The following TBC1D5 variants were observed in gnomAD, a reference collection of about 807,000 sequenced individuals.
TBC1D5 encodes TBC1 domain family, member 5.
In TBC1D5, 75 loss-of-function variants were observed where a neutral mutation model predicts 100.3. The ratio of observed to expected loss-of-function variants is 0.75; its 90% CI spans 0.62 to 0.91. The LOEUF (loss-of-function observed/expected upper bound fraction) is 0.91. Ranked by LOEUF, TBC1D5 falls within the 40% of genes least tolerant of loss-of-function variation. TBC1D5 has a pLI of 0.00. For synonymous variants in TBC1D5, 323 were observed against 325.6 expected (o/e 0.99, Z 0.09); for missense variants, 910 against 942.4 (o/e 0.97, Z 0.45).
intron 1 of TBC1D5, among the ~76,000 whole-genome samples, chr3:17,720,321 A>G (rs1553931849): frequency 7.2e-5 from 11 of 152,214 alleles, no homozygotes; most frequent in Non-Finnish European, 1.6e-4. Flanking sequence ...AGTTTCAAAG[A>G]TAAAAACCTC....
chr3:17,544,218 C>T (rs2096389703), intron 2 of TBC1D5, among the ~76,000 whole-genome samples: 1 of 152,132 alleles, frequency 6.6e-6, no homozygotes, highest in East Asian at 1.9e-4. Flanking sequence ...AAGTGCTGAA[C>T]CGGGGGCCAC....
intron 17 of TBC1D5, among the ~76,000 whole-genome samples, chr3:17,234,867 C>T (rs2075734878): frequency 6.6e-6 from 1 of 152,052 alleles, no homozygotes; most frequent in Non-Finnish European, 1.5e-5. Flanking sequence ...TGTAATTATA[C>T]CATCATCATC....
intron 1 of TBC1D5, among the ~76,000 whole-genome samples, chr3:17,683,174 G>T (rs978953278): frequency 6.6e-6 from 1 of 151,500 alleles, no homozygotes; most frequent in African/African-American, 2.4e-5. Context: ...GTGTATTAAA[G>T]ACTATATTTG....
intron 16 of TBC1D5, among the ~76,000 whole-genome samples, chr3:17,250,291 T>C (rs1414720866): frequency 6.6e-6 from 1 of 152,244 alleles, no homozygotes; most frequent in African/African-American, 2.4e-5. Flanking sequence ...TTGCTGCTCA[T>C]CTCCTAACTA....
intron 1 of TBC1D5, among the ~76,000 whole-genome samples, chr3:17,679,632 ATAAAT>A (rs2153807736): frequency 6.6e-6 from 1 of 151,696 alleles, no homozygotes; most frequent in Non-Finnish European, 1.5e-5. Context: ...TAGAAACACT[ATAAAT>A]TAGGAAGTGG....
intron 13 of TBC1D5, among the ~76,000 whole-genome samples, chr3:17,340,056 T>C (rs2088618060): frequency 1.3e-5 from 2 of 152,152 alleles, no homozygotes; most frequent in Non-Finnish European, 2.9e-5. Context: ...TCTTAGAAGC[T>C]AGAAGAATGG....
intron 1 of TBC1D5, among the ~76,000 whole-genome samples, chr3:17,708,226 T>C (rs1473289383): frequency 6.6e-6 from 1 of 152,238 alleles, no homozygotes; most frequent in Admixed American, 6.5e-5. Context: ...AATGATACCA[T>C]ACTGAAAGTA....
At chr3:17,253,052 C>T (rs188952489) in intron 16 of TBC1D5, among the ~76,000 whole-genome samples, 4 of 152,184 alleles carry the variant, frequency 2.6e-5, no homozygotes, top group East Asian at 1.9e-4. Context: ...TTTAGTTTAA[C>T]GATTGAATAA....
chr3:17,301,167 TAG>T (rs980875348), intron 14 of TBC1D5, among the ~76,000 whole-genome samples: 20 of 152,018 alleles, frequency 1.3e-4, no homozygotes, highest in Admixed American at 9.2e-4. Flanking sequence ...ATGTTTAAAA[TAG>T]AGACAATTTT....
At position 17,319,031 on chromosome 3, in the gene TBC1D5, T is replaced by G. The variant is rs147872308; in HGVS notation, c.996-10897A>C. 3.4e-3 allele frequency among the ~76,000 whole-genome samples: 513 copies of G among 152,324 alleles called. 4 individuals carry two copies. The highest frequency in any genetic ancestry group is 0.011 in the African/African-American group (468 of 41,566). On this transcript the variant is annotated intron_variant, in intron 13 of 21. Transcript: ENST00000253692. ...TTACAAAGAAAAATTAATTGCCACT[T>G]TTGGTCAGCCAATTTTAGAAAGACT...
intron 8 of TBC1D5, among the ~76,000 whole-genome samples, chr3:17,402,586 G>A (rs1350025018): frequency 1.3e-5 from 2 of 152,078 alleles, no homozygotes; most frequent in Non-Finnish European, 2.9e-5. Flanking sequence ...TACAGCATCC[G>A]TTAGTTACGA....
chr3:17,263,342 G>A lies in TBC1D5; in HGVS notation c.1246-4751C>T, dbSNP rs563104873. ...GATTGTGTCACTGCACTCCAACCTG[G>A]GTGACAGAATGAGACCCTGTCTCCA... On this transcript the variant is annotated intron_variant, in intron 15 of 21. Transcript: ENST00000253692. 8.0e-4 allele frequency among the ~76,000 whole-genome samples: 111 copies of A among 139,216 alleles called. 1 individual carries two copies. Among genetic ancestry groups the A allele is most frequent in the Non-Finnish European group, 1.3e-3 (82 of 65,394 alleles). The allele number at this position is 139,216 out of a possible 152,430, so 91.3% of individuals were successfully genotyped here.
intron 15 of TBC1D5, among the ~76,000 whole-genome samples, chr3:17,276,506 C>CAT (rs776649177): frequency 6.6e-6 from 1 of 152,342 alleles, no homozygotes; most frequent in East Asian, 1.9e-4. Flanking sequence ...GCCGGCTTTA[C>CAT]ATATCAGCCT....
intron 2 of TBC1D5, among the ~76,000 whole-genome samples, chr3:17,598,655 T>C (rs901457073): frequency 6.6e-6 from 1 of 152,198 alleles, no homozygotes; most frequent in South Asian, 2.1e-4. Context: ...AGAAAACCAA[T>C]GAAAAGTAGT....
intron 13 of TBC1D5, among the ~76,000 whole-genome samples, chr3:17,324,557 T>C (rs990524808): frequency 6.6e-6 from 1 of 152,030 alleles, no homozygotes; most frequent in African/African-American, 2.4e-5. Flanking sequence ...GGCAGAAGAA[T>C]TGCTTGAACC....
intron 1 of TBC1D5, among the ~76,000 whole-genome samples, chr3:17,681,770 GTGGCCT>G (rs2069508650): frequency 6.6e-6 from 1 of 151,470 alleles, no homozygotes; most frequent in African/African-American, 2.5e-5. Context: ...GTTCAGGTAG[GTGGCCT>G]GTTAGAAGCC....
chr3:17,276,782 G>A lies in TBC1D5; in HGVS notation c.1245+15113C>T, dbSNP rs1025460299. 7.2e-5 allele frequency among the ~76,000 whole-genome samples: 11 copies of A among 152,216 alleles called. No homozygotes were observed. In the South Asian group the frequency reaches 2.1e-3, roughly 29 times the overall value. ...GCTCTACTATGTTTTCTAAAGGCTC[G>A]CGTGATTAGGTGGAGCCACGGGACT... is the stretch of plus-strand genomic sequence containing the variant. On this transcript the variant is annotated intron_variant, in intron 15 of 21. Coordinates refer to ENST00000253692, the Ensembl canonical transcript of TBC1D5.
intron 19 of TBC1D5, among the ~76,000 whole-genome samples, chr3:17,169,451 T>C (rs895685062): frequency 1.3e-5 from 2 of 152,220 alleles, no homozygotes; most frequent in African/African-American, 4.8e-5. Context: ...TGACAATTTA[T>C]TAGAATCTTC....
At chr3:17,356,033 A>G (rs2091185098) in intron 13 of TBC1D5, among the ~76,000 whole-genome samples, 1 of 152,176 alleles carries the variant, frequency 6.6e-6, no homozygotes, top group African/African-American at 2.4e-5. Context: ...ATCATTTTTA[A>G]TATTAAAAGC....
Sources: gnomAD v4.1 joint callset for allele counts (sites outside exome capture counted in the v4.1 genomes callset) on GRCh38, gnomAD v4.1.1 for gene constraint, MANE v1.5 for transcripts, NCBI Gene and HGNC (gene_info 2026-07-23, HGNC 2026-07-21) for gene names.